The following DUSP22 variants were observed in gnomAD, a reference collection of about 807,000 sequenced individuals.
DUSP22 encodes the protein dual specificity phosphatase 22, also known as dual specificity protein phosphatase 22.
A neutral mutation model predicts 24.5 loss-of-function variants in DUSP22; 24 were observed. The ratio of observed to expected loss-of-function variants is 0.98; its 90% CI spans 0.71 to 1.38. DUSP22 has a LOEUF of 1.38. DUSP22 is among the 40% of genes most tolerant of loss of function. The pLI is 0.00. For missense variants in DUSP22, 330 were observed against 269.2 expected (o/e 1.23, Z -1.58); for synonymous variants, 160 against 106.4 (o/e 1.50, Z -3.10).
intron 2 of DUSP22, among the ~76,000 whole-genome samples, chr6:311,176 GATGTATGGCATTTT>G (rs535976318): frequency 4.6e-4 from 70 of 152,350 alleles, no homozygotes; most frequent in Admixed American, 7.2e-4. Flanking sequence ...ATTGAACTAT[GATGTATGGCATTTT>G]ATGTCTACTT....
intron 4 of DUSP22, among the ~76,000 whole-genome samples, chr6:341,242 C>G (rs1759593842): frequency 6.6e-6 from 1 of 152,308 alleles, no homozygotes; most frequent in Non-Finnish European, 1.5e-5. Context: ...GAGCCTATTC[C>G]ACACGGCTGT....
chr6:307,426 C>T (rs1757860591), intron 2 of DUSP22, among the ~76,000 whole-genome samples: 1 of 152,306 alleles, frequency 6.6e-6, no homozygotes. Context: ...TGTAATGAAT[C>T]CACAAATGGT....
chr6:305,008 C>T (rs1033263999), intron 2 of DUSP22, among the ~76,000 whole-genome samples: 7 of 152,304 alleles, frequency 4.6e-5, no homozygotes, highest in South Asian at 2.1e-4. Flanking sequence ...ATCCGTGTTG[C>T]GGCGTGTGTC....
chr6:311,096 CA>C (rs1758064924), intron 2 of DUSP22, among the ~76,000 whole-genome samples: 1 of 152,298 alleles, frequency 6.6e-6, no homozygotes, highest in African/African-American at 2.4e-5. Flanking sequence ...GTGGCAATTA[CA>C]AAAAATTGTT....
At chr6:310,300 A>G (rs1222342681) in intron 2 of DUSP22, among the ~76,000 whole-genome samples, 2 of 152,412 alleles carry the variant, frequency 1.3e-5, no homozygotes, top group East Asian at 1.9e-4. Flanking sequence ...TGTATCATTT[A>G]GGAAAGTTCA....
intron 4 of DUSP22, among the ~76,000 whole-genome samples, chr6:343,687 G>GTGCATGTTTGCA (rs1178528351): frequency 7.9e-5 from 12 of 151,448 alleles, no homozygotes; most frequent in South Asian, 6.2e-4. Flanking sequence ...GCATGTTTGC[G>GTGCATGTTTGCA]TGTGCATGTT....
At chr6:321,729 A>AT (rs1406615586) in intron 3 of DUSP22, among the ~76,000 whole-genome samples, 148 of 152,378 alleles carry the variant, frequency 9.7e-4, no homozygotes, top group Non-Finnish European at 1.8e-3. Context: ...GGGAAACTAC[A>AT]TTAAAAAAAA....
chr6:336,800 C>T (rs1183615638), intron 4 of DUSP22, among the ~76,000 whole-genome samples: 1 of 152,308 alleles, frequency 6.6e-6, no homozygotes, highest in Non-Finnish European at 1.5e-5. Flanking sequence ...TAGAGAACTT[C>T]CTTGGTTACT....
At chr6:324,037 G>A (rs1418508982) in intron 3 of DUSP22, among the ~76,000 whole-genome samples, 1 of 152,412 alleles carries the variant, frequency 6.6e-6, no homozygotes, top group Non-Finnish European at 1.5e-5. Context: ...ATTTCCAAGT[G>A]TTTTTGGTTT....
intron 3 of DUSP22, among the ~76,000 whole-genome samples, chr6:321,910 C>T (rs1758607393): frequency 6.6e-6 from 1 of 152,302 alleles, no homozygotes; most frequent in Non-Finnish European, 1.5e-5. Context: ...CTCCAGGAAA[C>T]AGAGCTGGGT....
intron 4 of DUSP22, among the ~76,000 whole-genome samples, chr6:345,327 A>C (rs1044452299): frequency 6.6e-6 from 1 of 151,402 alleles, no homozygotes; most frequent in East Asian, 1.9e-4. Context: ...CTCCTACCTC[A>C]GCCTCCCTGG....
In DUSP22 at chr6:351,237, T is replaced by G. The variant is rs1760199673; in HGVS notation, c.*2286T>G. On this transcript the variant is annotated 3_prime_UTR_variant, in exon 7 of 7. Coordinates refer to ENST00000419235, the MANE Select transcript of DUSP22 (RefSeq NM_001286555.3). ...TGAACTCTGCCCGTGTGTTCTCAAA[T>G]TCCCCAGCTTGGGAAATAGCCCTTG... 4.2e-6 allele frequency: 1 copy of G among 239,446 alleles called. No homozygotes were observed. Among genetic ancestry groups the G allele is most frequent in the African/African-American group, 2.2e-5 (1 of 44,636 alleles). 14.8% of individuals were successfully genotyped at this position (239,446 alleles called of 1,614,324 possible). A position where few individuals can be genotyped will look rare whatever the true frequency, so the allele number is the denominator to read the frequency against.
chr6:319,333 A>G (rs545263964), intron 3 of DUSP22, among the ~76,000 whole-genome samples: 6 of 152,424 alleles, frequency 3.9e-5, no homozygotes, highest in Admixed American at 3.3e-4. Flanking sequence ...CGCTGTGTTC[A>G]TAGATGCATG....
At chr6:339,704 T>G (rs1298794441) in intron 4 of DUSP22, among the ~76,000 whole-genome samples, 1 of 152,306 alleles carries the variant, frequency 6.6e-6, no homozygotes, top group African/African-American at 2.4e-5. Context: ...AGAAGAAGCT[T>G]TAGCAATACA....
intron 4 of DUSP22, among the ~76,000 whole-genome samples, chr6:335,788 C>T (rs1323424046): frequency 2.6e-5 from 4 of 152,306 alleles, no homozygotes; most frequent in Non-Finnish European, 5.9e-5. Context: ...GCTTGAGAAC[C>T]CCAGGAGGCT....
chr6:334,245 A>G (rs1235052063), intron 3 of DUSP22, among the ~76,000 whole-genome samples: 1 of 152,300 alleles, frequency 6.6e-6, no homozygotes, highest in African/African-American at 2.4e-5. Flanking sequence ...CTGTGAGATT[A>G]GGCAATTAAG....
chr6:316,260 C>G (rs1266721796), intron 3 of DUSP22, among the ~76,000 whole-genome samples: 1 of 152,298 alleles, frequency 6.6e-6, no homozygotes, highest in African/African-American at 2.4e-5. Context: ...TCCTGCCAGC[C>G]ATAGCCCTTC....
At chr6:317,498 C>T (rs1218249482) in intron 3 of DUSP22, among the ~76,000 whole-genome samples, 3 of 152,306 alleles carry the variant, frequency 2.0e-5, no homozygotes, top group Admixed American at 2.0e-4. Flanking sequence ...GAGCTCAGCC[C>T]CAGCTCTCCT....
At chr6:341,109 C>G (rs1003993513) in intron 4 of DUSP22, among the ~76,000 whole-genome samples, 10 of 152,306 alleles carry the variant, frequency 6.6e-5, no homozygotes, top group Non-Finnish European at 1.5e-4. Context: ...GGAGGTGCCC[C>G]TGCTGCAAGG....
Sources: allele counts gnomAD v4.1 joint callset (sites outside exome capture counted in the v4.1 genomes callset), GRCh38; gene constraint gnomAD v4.1.1; transcripts MANE v1.5; gene names NCBI Gene and HGNC (gene_info 2026-07-23, HGNC 2026-07-21).